Variants in CAPN15 observed in about 807,000 individuals in gnomAD.
CAPN15 encodes the protein calpain-15.
A neutral mutation model predicts 97.9 loss-of-function variants in CAPN15; 53 were observed. The observed-to-expected ratio is 0.54, with a 90% CI of 0.43 to 0.68. The LOEUF is 0.68. Ranked by LOEUF, CAPN15 falls within the 30% of genes least tolerant of loss-of-function variation. The probability of loss-of-function intolerance (pLI) is 0.00; values close to 1 mark genes in which losing one functional copy is unlikely to be tolerated. For synonymous variants in CAPN15, 922 were observed against 722.5 expected (o/e 1.28, Z -4.43); for missense variants, 1,592 against 1,589.8 (o/e 1.00, Z -0.02).
chr16:541,760 C>T (rs1170175770), intron 3 of CAPN15, among the ~76,000 whole-genome samples: 1 of 152,280 alleles, frequency 6.6e-6, no homozygotes, highest in Non-Finnish European at 1.5e-5. Flanking sequence ...CAGCATCCCG[C>T]AGCCCAGAGG....
chr16:552,728 A>G lies in CAPN15; in HGVS notation c.2861A>G (p.Asp954Gly). 1 of 1,543,584 alleles carries G rather than the reference A, an allele frequency of 6.5e-7. No individual in the cohort carries two copies. ...PVEAQPTTLA[D>G]AIILLTESRG... ...GAAGCCCAGCCGACCACGCTGGCCG[A>G]CGCCATCATCCTGCTCACCGAGAGC... The change falls in exon 12 of 14, where the codon GAC becomes GGC. Residue 954 changes from aspartate (D) to glycine (G), a missense_variant. Coordinates refer to ENST00000219611, the MANE Select transcript of CAPN15 (RefSeq NM_005632.3). The surrounding 1 kb of genome is among the most constrained non-coding windows in gnomAD (Gnocchi z 6.4).
chr16:528,938 A>G (rs1270945155), intron 1 of CAPN15, among the ~76,000 whole-genome samples: 1 of 152,178 alleles, frequency 6.6e-6, no homozygotes, highest in Non-Finnish European at 1.5e-5. Flanking sequence ...CCGCGTTTCC[A>G]GAGTCTGGGG....
At position 553,625 on chromosome 16, in the gene CAPN15, G is replaced by A. The variant is rs943481124; in HGVS notation, c.*109G>A. ...GCTTGAGCCAGAATCTCAGGACCCCGCCCAGGGAGCTGCCAGCCCAGGGCT... is the reference window on the plus strand; with the variant it reads ...GCTTGAGCCAGAATCTCAGGACCCCACCCAGGGAGCTGCCAGCCCAGGGCT... On this transcript the variant is annotated 3_prime_UTR_variant, in exon 14 of 14. Transcript: ENST00000219611. The A allele has an allele frequency of 7.6e-5, 50 of 654,388 alleles. No individual in the cohort carries two copies. Among genetic ancestry groups the A allele is most frequent in the South Asian group, 2.5e-4 (10 of 40,024 alleles). The allele number at this position is 654,388 out of a possible 1,614,324, so 40.5% of individuals were successfully genotyped here. A position where few individuals can be genotyped will look rare whatever the true frequency, so the allele number is the denominator to read the frequency against.
chr16:549,631 T>C lies in CAPN15; in HGVS notation c.1859T>C (p.Leu620Pro). Residue 620 changes from leucine to proline, a missense_variant, in exon 7 of 14, where the codon CTG becomes CCG. Transcript: ENST00000219611. ...LLFSQAQRKQLWVALIEKALA... is the reference protein window; with the variant it reads ...LLFSQAQRKQPWVALIEKALA... ...CCTCTGCAGGCGCAGCGGAAGCAGCTGTGGGTGGCCCTCATCGAGAAGGCG... is the reference window on the plus strand; with the variant it reads ...CCTCTGCAGGCGCAGCGGAAGCAGCCGTGGGTGGCCCTCATCGAGAAGGCG... 2 of 1,550,088 alleles carry C rather than the reference T, an allele frequency of 1.3e-6. No individual in the cohort carries two copies. Among genetic ancestry groups the C allele is most frequent in the Non-Finnish European group, 1.7e-6 (2 of 1,152,962 alleles).
chr16:549,908 G>C (rs2142054763), intron 7 of CAPN15, 70 bp downstream of exon 7: 1 of 1,303,896 alleles, frequency 7.7e-7, no homozygotes, highest in African/African-American at 1.5e-5. Flanking sequence ...GGGAGATGTG[G>C]GGCTGGTGGC....
At chr16:528,850 G>T (rs1211708194) in intron 1 of CAPN15, 1 of 796,062 alleles carries the variant, frequency 1.3e-6, no homozygotes, top group Non-Finnish European at 1.5e-6. Context: ...GGGAAACCCG[G>T]ATCTCTTCCT....
rs912610239 is a variant in CAPN15, at chr16:550,135, C to T, written c.2066+297C>T. Reference sequence around the variant, plus strand: ...GTCGAGTTTGACCTGGGCCGTGGGGCGAGACTGATGCCGTCATCCGCCTCG... The same window carrying T: ...GTCGAGTTTGACCTGGGCCGTGGGGTGAGACTGATGCCGTCATCCGCCTCG... On this transcript the variant is annotated intron_variant, in intron 7 of 13. Coordinates refer to ENST00000219611, the MANE Select transcript of CAPN15 (RefSeq NM_005632.3). Among the ~76,000 whole-genome samples the T allele has an allele frequency of 5.3e-5, 7 of 131,688 alleles. No homozygotes were observed. The East Asian group carries it at 5.8e-4, about 11-fold the overall frequency. 86.4% of individuals were successfully genotyped at this position (131,688 alleles called of 152,430 possible). A position where few individuals can be genotyped will look rare whatever the true frequency, so the allele number is the denominator to read the frequency against.
intron 3 of CAPN15, among the ~76,000 whole-genome samples, chr16:544,172 C>T (rs911870126): frequency 1.1e-4 from 16 of 152,132 alleles, no homozygotes; most frequent in African/African-American, 1.7e-4. Context: ...CAGCCCAGCT[C>T]GAGGGAGGCA....
chr16:551,316 C>T lies in CAPN15; in HGVS notation c.2081C>T (p.Ala694Val). The change falls in exon 8 of 14, where the codon GCC (alanine) becomes GTC (valine). Residue 694 changes from alanine to valine, a missense_variant. This residue lies in a region of CAPN15 where 644 missense variants were observed against 699.6 expected (regional missense o/e 0.92). Transcript: ENST00000219611. ...SSKEAGFLMG[A>V]SCGGGNMKVD... ...CTGCCACACAGGTTCCTCATGGGTG[C>T]CTCCTGTGGCGGGGGCAACATGAAG... 1.2e-6 allele frequency: 2 copies of T among 1,604,028 alleles called. No individual in the cohort carries two copies. Among genetic ancestry groups the T allele is most frequent in the Non-Finnish European group, 1.7e-6 (2 of 1,175,194 alleles).
intron 7 of CAPN15, among the ~76,000 whole-genome samples, 155 bp downstream of exon 7, chr16:549,993 C>T (rs1389596383): frequency 6.6e-6 from 1 of 152,218 alleles, no homozygotes; most frequent in Non-Finnish European, 1.5e-5. Flanking sequence ...CAGCCCCAAT[C>T]ACCTCCCCCT....
At chr16:544,953 C>T (rs1040964794) in intron 3 of CAPN15, among the ~76,000 whole-genome samples, 2 of 143,442 alleles carry the variant, frequency 1.4e-5, no homozygotes, top group African/African-American at 5.6e-5. Flanking sequence ...AGGTAACCAT[C>T]CTGCAGTAGT....
intron 1 of CAPN15, among the ~76,000 whole-genome samples, chr16:529,877 G>A (rs1002728867): frequency 1.3e-5 from 2 of 152,174 alleles, no homozygotes; most frequent in Non-Finnish European, 2.9e-5. Context: ...GTGGGCTTGG[G>A]TGGTTTCCTC....
Position 529,007 on chromosome 16 carries a change from A to C in CAPN15, c.-190+978A>C, listed in dbSNP as rs1369000783. 2.6e-5 allele frequency among the ~76,000 whole-genome samples: 4 copies of C among 152,128 alleles called. No homozygotes were observed. The East Asian group carries it at 7.7e-4, about 29-fold the overall frequency. Reference sequence around the variant, plus strand: ...GGTTCTGAGTGACTTCTCAACTGTGAAGTGGGGCAAGAGAAATTGTTTTTC... The same window carrying C: ...GGTTCTGAGTGACTTCTCAACTGTGCAGTGGGGCAAGAGAAATTGTTTTTC... On this transcript the variant is annotated intron_variant, in intron 1 of 13. Coordinates refer to ENST00000219611, the MANE Select transcript of CAPN15 (RefSeq NM_005632.3).
intron 3 of CAPN15, among the ~76,000 whole-genome samples, chr16:543,007 C>A (rs539909504): frequency 6.6e-6 from 1 of 151,988 alleles, no homozygotes; most frequent in East Asian, 1.9e-4. Flanking sequence ...GCCAAGATTG[C>A]ACCACTGCAC....
intron 9 of CAPN15, 140 bp downstream of exon 9, chr16:551,804 C>T: frequency 8.7e-7 from 1 of 1,154,738 alleles, no homozygotes; most frequent in Non-Finnish European, 1.3e-6. Context: ...GGAGCTTCAG[C>T]TCCAAGGTGC....
At chr16:546,749 G>T (rs922760120) in intron 3 of CAPN15, 68 bp from the exon 4 acceptor site, 25 of 1,480,674 alleles carry the variant, frequency 1.7e-5, no homozygotes, top group Non-Finnish European at 2.1e-5. Flanking sequence ...TCCCCAGGCC[G>T]AGAGGAGGGT....
chr16:529,221 A>G (rs559240599), intron 1 of CAPN15, among the ~76,000 whole-genome samples: 1 of 152,208 alleles, frequency 6.6e-6, no homozygotes, highest in East Asian at 1.9e-4. Flanking sequence ...CTGAGTCCCC[A>G]GGAGAGCCCG....
At chr16:532,976 T>TG (rs2033381958) in intron 1 of CAPN15, among the ~76,000 whole-genome samples, 1 of 151,890 alleles carries the variant, frequency 6.6e-6, no homozygotes, top group Non-Finnish European at 1.5e-5. Flanking sequence ...ATCCCAGCAC[T>TG]GGGGGAGGCC....
At chr16:528,465 CG>C (rs1274013089) in intron 1 of CAPN15, among the ~76,000 whole-genome samples, 1 of 152,186 alleles carries the variant, frequency 6.6e-6, no homozygotes, top group African/African-American at 2.4e-5. Flanking sequence ...ACTTGGGGAA[CG>C]GCCTGGGGGC....
Sources: allele counts gnomAD v4.1 joint callset (sites outside exome capture counted in the v4.1 genomes callset), GRCh38; gene constraint gnomAD v4.1.1; regional missense constraint gnomAD v4.1.1; non-coding constraint Gnocchi (gnomAD v3.1); transcripts MANE v1.5; gene names NCBI Gene and HGNC (gene_info 2026-07-23, HGNC 2026-07-21).